The following TEX101 variants were observed in gnomAD, a reference collection of about 807,000 sequenced individuals.
TEX101 encodes testis-expressed protein 101.
In TEX101, 10 loss-of-function variants were observed where a neutral mutation model predicts 18.1. That is an observed-to-expected ratio of 0.55 (90% confidence interval 0.34 to 0.94). The LOEUF (loss-of-function observed/expected upper bound fraction) is 0.94. Ranked by LOEUF, TEX101 falls within the 40% of genes least tolerant of loss-of-function variation. TEX101 has a pLI of 0.02. For missense variants in TEX101, 259 were observed against 298.9 expected, an observed-to-expected ratio of 0.87 and a Z score of 0.98; for synonymous variants, 94 against 114.8, an observed-to-expected ratio of 0.82 and a Z score of 1.16.
At chr19:43,392,003 A>T in the TEX101 span, among the ~76,000 whole-genome samples, 2 of 152,172 alleles carry the variant, frequency 1.3e-5, no homozygotes, top group Non-Finnish European at 2.9e-5. Context: ...GCCACCCAAG[A>T]CCTCAATACA....
At chr19:43,398,487 G>T (rs1269018267), upstream of TEX101, among the ~76,000 whole-genome samples, 344 of 151,852 alleles carry the variant, frequency 2.3e-3, 4 homozygotes, top group Non-Finnish European at 1.3e-4. Context: ...TGTTGGCCAG[G>T]ATGGTCTCGA....
intron 1 of TEX101, among the ~76,000 whole-genome samples, chr19:43,402,126 T>A (rs1166409083): frequency 6.6e-6 from 1 of 152,246 alleles, no homozygotes; most frequent in Non-Finnish European, 1.5e-5. Flanking sequence ...TGTCCCATAG[T>A]GTTTAAGCTA....
chr19:43,396,397 T>A, the TEX101 span, among the ~76,000 whole-genome samples: 2 of 152,254 alleles, frequency 1.3e-5, no homozygotes, highest in Non-Finnish European at 2.9e-5. Context: ...ACTCACTGTT[T>A]TTCTGTAGCC....
At chr19:43,417,097 C>T (rs546685343) in intron 4 of TEX101, among the ~76,000 whole-genome samples, 2 of 150,864 alleles carry the variant, frequency 1.3e-5, no homozygotes, top group South Asian at 4.2e-4. Flanking sequence ...TATTATCAGT[C>T]TAACAAGTAT....
chr19:43,413,496 CAAAA>C (rs71169233), upstream of TEX101, among the ~76,000 whole-genome samples: 2 of 133,734 alleles, frequency 1.5e-5, no homozygotes, highest in Admixed American at 7.5e-5. Context: ...AGGGAGACTC[CAAAA>C]AAAAAAAAAA....
rs1463278727 is a variant in TEX101, at chr19:43,415,951, TC to T, written c.34del (p.Leu12SerfsTer4). On this transcript the variant is annotated frameshift_variant, in exon 2 of 6. Coordinates refer to ENST00000598265, the MANE Select transcript of TEX101 (RefSeq NM_001130011.3). LOFTEE classifies it high-confidence loss of function. MGTPRIQHLL[I>X]LLVLGASLLT... ...ACCCCTCGTATCCAGCATTTGCTGA[TC>T]CTCCTGGTCCTAGGAGCCTCCCTCC... 6.2e-7 allele frequency: 1 copy of T among 1,614,124 alleles called. No homozygotes were observed. Among genetic ancestry groups the T allele is most frequent in the Non-Finnish European group, 8.5e-7 (1 of 1,180,008 alleles).
intron 2 of TEX101, among the ~76,000 whole-genome samples, chr19:43,403,133 T>A (rs542167677): frequency 5.6e-4 from 85 of 152,290 alleles, no homozygotes; most frequent in African/African-American, 2.0e-3. Context: ...TCAGGTAGGA[T>A]CTCACCAGTG....
chr19:43,413,161 C>G (rs960117797), upstream of TEX101, among the ~76,000 whole-genome samples: 1 of 152,170 alleles, frequency 6.6e-6, no homozygotes, highest in East Asian at 1.9e-4. Flanking sequence ...CACGCTTGCT[C>G]GATTTATCAC....
At chr19:43,404,449 G>A (rs1970344133) in intron 2 of TEX101, among the ~76,000 whole-genome samples, 1 of 152,010 alleles carries the variant, frequency 6.6e-6, no homozygotes, top group African/African-American at 2.4e-5. Flanking sequence ...ACCCCTCTTT[G>A]GAAAGGGATA....
upstream of TEX101, among the ~76,000 whole-genome samples, chr19:43,400,364 A>G (rs931580367): frequency 6.6e-6 from 1 of 152,238 alleles, no homozygotes; most frequent in African/African-American, 2.4e-5. Context: ...AGAAAAAGAA[A>G]TGCTTTTCCT....
chr19:43,415,167 C>T (rs982336925), intron 1 of TEX101, 129 bp downstream of exon 1: 92 of 574,730 alleles, frequency 1.6e-4, no homozygotes, highest in South Asian at 3.1e-4. Context: ...GGAACCCAGA[C>T]TCCTCGATCC....
chr19:43,410,064 G>T (rs1312335133), upstream of TEX101, among the ~76,000 whole-genome samples: 3 of 152,092 alleles, frequency 2.0e-5, no homozygotes, highest in Non-Finnish European at 2.9e-5. Context: ...AAAACTGGTG[G>T]TTTAACCTCA....
chr19:43,406,228 T>C, exon 3 of TEX101: 1 of 473,054 alleles, frequency 2.1e-6, no homozygotes, highest in Non-Finnish European at 3.7e-6. Context: ...TGCAGGGCAC[T>C]GAATGTCAAA....
At chr19:43,394,424 C>A in the TEX101 span, among the ~76,000 whole-genome samples, 1 of 151,700 alleles carries the variant, frequency 6.6e-6, no homozygotes, top group Non-Finnish European at 1.5e-5. Context: ...TGTGAAGGTA[C>A]CCTCTTAGCC....
chr19:43,389,731 G>A, the TEX101 span, among the ~76,000 whole-genome samples: 1 of 152,178 alleles, frequency 6.6e-6, no homozygotes, highest in Non-Finnish European at 1.5e-5. Flanking sequence ...CCCTCAGCCG[G>A]ATGCCTAGCA....
the TEX101 span, among the ~76,000 whole-genome samples, chr19:43,389,051 G>A: frequency 6.6e-6 from 1 of 151,968 alleles, no homozygotes; most frequent in Non-Finnish European, 1.5e-5. Context: ...ATGCCTCTCG[G>A]ATCTCTAACT....
chr19:43,415,735 G>A (rs1162145161), intron 1 of TEX101, 146 bp from the exon 2 acceptor site: 4 of 688,144 alleles, frequency 5.8e-6, no homozygotes, highest in Non-Finnish European at 1.0e-5. Flanking sequence ...ACTCCAGCCT[G>A]GGCGACAGTG....
chr19:43,410,883 G>C (rs1277496826), upstream of TEX101, among the ~76,000 whole-genome samples: 1 of 151,744 alleles, frequency 6.6e-6, no homozygotes, highest in Admixed American at 6.6e-5. Flanking sequence ...ATTTTTTTTT[G>C]AGACAGGGTC....
At chr19:43,406,656 A>C (rs1599898504) in intron 3 of TEX101, 1 of 577,658 alleles carries the variant, frequency 1.7e-6, no homozygotes. Flanking sequence ...CACCAGGGGC[A>C]GCGCTAGATG....
Sources: gnomAD v4.1 joint callset for allele counts (sites outside exome capture counted in the v4.1 genomes callset) on GRCh38, gnomAD v4.1.1 for gene constraint, MANE v1.5 for transcripts, NCBI Gene and HGNC (gene_info 2026-07-23, HGNC 2026-07-21) for gene names.